INTS8: variants seen among roughly 807,000 people sequenced by gnomAD.
INTS8 encodes protein kaonashi-1.
Under a neutral mutation model 138.9 loss-of-function variants are expected in INTS8, and 47 were observed. That is an observed-to-expected ratio of 0.34 (90% CI 0.27 to 0.43). The LOEUF (loss-of-function observed/expected upper bound fraction) is 0.43. INTS8 is among the 20% of genes least tolerant of loss of function. The probability of loss-of-function intolerance (pLI) is 1.00; values close to 1 mark genes in which losing one functional copy is unlikely to be tolerated. For missense variants in INTS8, 996 were observed against 1,173.0 expected (o/e 0.85, Z 2.20); for synonymous variants, 392 against 400.9 (o/e 0.98, Z 0.27).
chr8:94,881,368 T>TCG lies in INTS8; in HGVS notation c.*1134_*1135insCG. The TCG allele has an allele frequency of 2.0e-6, 1 of 501,666 alleles. No homozygotes were observed. The highest frequency in any genetic ancestry group is 3.5e-6 in the Non-Finnish European group (1 of 284,126). 31.1% of individuals were successfully genotyped at this position (501,666 alleles called of 1,614,324 possible). A position where few individuals can be genotyped will look rare whatever the true frequency, so the allele number is the denominator to read the frequency against. Reference sequence around the variant, plus strand: ...GGAAAAACATTGCTATGGTATAGACTGTGGTTGGCTTCTATCCAGTAACCT... The same window carrying TCG: ...GGAAAAACATTGCTATGGTATAGACTCGGTGGTTGGCTTCTATCCAGTAACCT... On this transcript the variant is annotated 3_prime_UTR_variant, in exon 27 of 27. Coordinates refer to ENST00000523731, the MANE Select transcript of INTS8 (RefSeq NM_017864.4).
rs781314077 is a variant in INTS8, at chr8:94,825,056, A to T, written c.294A>T (p.Ile98=). 3.7e-6 allele frequency: 6 copies of T among 1,600,608 alleles called. No homozygotes were observed. The African/African-American group carries it at 8.1e-5, about 22-fold the overall frequency. The change falls in exon 2 of 27, where the codon ATA becomes ATT. Residue 98 remains isoleucine (I), a synonymous_variant. Coordinates refer to ENST00000523731, the MANE Select transcript of INTS8 (RefSeq NM_017864.4). ...VAAHLKWDLD[I]LEKSLSVPVL... ...CACATTTGAAGTGGGACTTAGACAT[A>T]TTAGAGAAAAGGTATCCAAGATTTC... is the stretch of plus-strand genomic sequence containing the variant.
Position 94,826,127 on chromosome 8 carries a change from G to A in INTS8, c.305+1060G>A, listed in dbSNP as rs567794942. Among the ~76,000 whole-genome samples, 18 of 152,296 alleles carry A rather than the reference G, an allele frequency of 1.2e-4. No homozygotes were observed. In the East Asian group the frequency reaches 3.5e-3, roughly 29 times the overall value. ...TATTTTGAGTTGTATTCTTAGGATA[G>A]CTCCTTAAATTGCTGGATCGTGCAG... On this transcript the variant is annotated intron_variant, in intron 2 of 26. Coordinates refer to ENST00000523731, the MANE Select transcript of INTS8 (RefSeq NM_017864.4).
chr8:94,853,180 C>T (rs533431899), intron 13 of INTS8, among the ~76,000 whole-genome samples: 82 of 151,978 alleles, frequency 5.4e-4, no homozygotes, highest in Non-Finnish European at 7.9e-4. Flanking sequence ...GGCATGGTGG[C>T]GCGCACCTGT....
In INTS8 at chr8:94,876,504, G is replaced by T. The variant is rs1015698586; in HGVS notation, c.2871+15G>T. Reference sequence around the variant, plus strand: ...GACAAATTGCAGTAAGTTACCTTATGCCTTTCTTCAGTGGTACAGTTTCCA... The same window carrying T: ...GACAAATTGCAGTAAGTTACCTTATTCCTTTCTTCAGTGGTACAGTTTCCA... On this transcript the variant is annotated intron_variant, in intron 26 of 26. Coordinates refer to ENST00000523731, the MANE Select transcript of INTS8 (RefSeq NM_017864.4). The T allele has an allele frequency of 6.6e-7, 1 of 1,509,722 alleles. No individual in the cohort carries two copies. The highest frequency in any genetic ancestry group is 9.1e-7 in the Non-Finnish European group (1 of 1,098,162). The allele number at this position is 1,509,722 out of a possible 1,614,324, so 93.5% of individuals were successfully genotyped here.
intron 16 of INTS8, among the ~76,000 whole-genome samples, chr8:94,860,593 A>AAC (rs1554612601): frequency 2.0e-5 from 3 of 150,554 alleles, no homozygotes; most frequent in Non-Finnish European, 4.4e-5. Flanking sequence ...AAAAAAAAAA[A>AAC]AAAAAAAAAA....
At chr8:94,855,792 G>A (rs1258722510) in intron 14 of INTS8, among the ~76,000 whole-genome samples, 1 of 152,214 alleles carries the variant, frequency 6.6e-6, no homozygotes, top group Non-Finnish European at 1.5e-5. Context: ...GCAAGATAGG[G>A]AGAAAGAATT....
intron 17 of INTS8, 25 bp from the exon 18 acceptor site, chr8:94,866,133 G>A (rs776066591): frequency 2.1e-6 from 2 of 971,344 alleles, no homozygotes; most frequent in African/African-American, 1.6e-5. Context: ...TATTAAATGT[G>A]TATTCAAAAA....
chr8:94,861,406 C>T (rs1201614884), intron 16 of INTS8, among the ~76,000 whole-genome samples: 2 of 151,396 alleles, frequency 1.3e-5, no homozygotes, highest in Admixed American at 6.6e-5. Flanking sequence ...GGACTACAGG[C>T]GCCCACTGCC....
intron 8 of INTS8, among the ~76,000 whole-genome samples, chr8:94,840,982 A>G (rs919433242): frequency 6.7e-6 from 1 of 149,060 alleles, no homozygotes; most frequent in African/African-American, 2.5e-5. Context: ...GCACCATCTC[A>G]GCTCAAAGCA....
chr8:94,881,374 T>C lies in INTS8; in HGVS notation c.*1140T>C. The C allele has an allele frequency of 2.0e-6, 1 of 507,204 alleles. No homozygotes were observed. Among genetic ancestry groups the C allele is most frequent in the Non-Finnish European group, 3.5e-6 (1 of 287,344 alleles). 31.4% of individuals were successfully genotyped at this position (507,204 alleles called of 1,614,324 possible). On this transcript the variant is annotated 3_prime_UTR_variant, in exon 27 of 27. Coordinates refer to ENST00000523731, the MANE Select transcript of INTS8 (RefSeq NM_017864.4). ...ACATTGCTATGGTATAGACTGTGGT[T>C]GGCTTCTATCCAGTAACCTTGGGAA...
intron 20 of INTS8, chr8:94,868,622 C>G (rs1328255090): frequency 6.6e-6 from 1 of 152,166 alleles, no homozygotes; most frequent in Non-Finnish European, 1.5e-5. Context: ...TTGTTAGATA[C>G]CAATTCAAGA....
At chr8:94,831,750 G>C (rs1465303778) in intron 5 of INTS8, among the ~76,000 whole-genome samples, 1 of 152,128 alleles carries the variant, frequency 6.6e-6, no homozygotes, top group African/African-American at 2.4e-5. Context: ...AAAGTGCTGG[G>C]ATTATAGGCG....
intron 18 of INTS8, 178 bp from the exon 19 acceptor site, chr8:94,866,962 G>A (rs1477442674): frequency 4.3e-5 from 24 of 551,812 alleles, no homozygotes; most frequent in Admixed American, 1.1e-4. Context: ...TCCACGCCCC[G>A]CCCCCACATG....
chr8:94,873,265 G>T (rs1015975488), intron 21 of INTS8, 109 bp from the exon 22 acceptor site: 1 of 802,154 alleles, frequency 1.2e-6, no homozygotes, highest in Admixed American at 1.7e-5. Context: ...TAGTTCTGTG[G>T]TTTGAATCTG....
rs570484885 is a variant in INTS8 at position 94,858,136 on chromosome 8, G to A, written c.1954+1158G>A. Among the ~76,000 whole-genome samples, 361 of 152,190 alleles carry A rather than the reference G, an allele frequency of 2.4e-3. 2 individuals carry two copies. Among genetic ancestry groups the A allele is most frequent in the South Asian group, 0.024 (114 of 4,818 alleles). ...ACATAAATCTTTCTTAGTTAAAGCC[G>A]TTTCTTATTTTTCTGCTTTAGAAGT... On this transcript the variant is annotated intron_variant, in intron 15 of 26. Transcript: ENST00000523731.
intron 16 of INTS8, among the ~76,000 whole-genome samples, chr8:94,861,765 G>T (rs7002058): frequency 1.3e-5 from 2 of 150,158 alleles, no homozygotes; most frequent in African/African-American, 2.5e-5. Flanking sequence ...TTAGTCAGGC[G>T]GGTCTGAACT....
At chr8:94,855,220 C>A (rs986689598) in intron 14 of INTS8, among the ~76,000 whole-genome samples, 1 of 152,096 alleles carries the variant, frequency 6.6e-6, no homozygotes, top group African/African-American at 2.4e-5. Flanking sequence ...TAATGTAGGC[C>A]ACATATGTAA....
chr8:94,881,579 A>G lies in INTS8; in HGVS notation c.*1345A>G. 1 of 1,583,550 alleles carries G rather than the reference A, an allele frequency of 6.3e-7. No individual in the cohort carries two copies. The highest frequency in any genetic ancestry group is 8.6e-7 in the Non-Finnish European group (1 of 1,159,446). ...TGTAAAACTTTAGTAGTTCAGTGAT[A>G]CCAGTTCTACCCAATCTTGGTGAAT... On this transcript the variant is annotated 3_prime_UTR_variant, in exon 27 of 27. Coordinates refer to ENST00000523731, the MANE Select transcript of INTS8 (RefSeq NM_017864.4).
intron 14 of INTS8, 27 bp downstream of exon 14, chr8:94,853,942 TG>T: frequency 2.3e-6 from 3 of 1,330,934 alleles, no homozygotes; most frequent in Non-Finnish European, 3.3e-6. Flanking sequence ...ATCAAACACT[TG>T]TTAAGAATAT....
Sources: gnomAD v4.1 joint callset for allele counts (sites outside exome capture counted in the v4.1 genomes callset) on GRCh38, gnomAD v4.1.1 for gene constraint, MANE v1.5 for transcripts, NCBI Gene and HGNC (gene_info 2026-07-23, HGNC 2026-07-21) for gene names.